Variants in SGCZ observed in about 807,000 individuals in gnomAD.
The protein encoded by SGCZ is zeta-sarcoglycan.
Under a neutral mutation model 41.3 loss-of-function variants are expected in SGCZ, and 40 were observed. The observed-to-expected ratio is 0.97, with a 90% confidence interval of 0.75 to 1.26. The LOEUF (loss-of-function observed/expected upper bound fraction) is 1.26, where lower values mean the gene tolerates loss of function less well. Ranked by LOEUF, SGCZ falls within the 50% of genes most tolerant of loss-of-function variation. SGCZ has a pLI of 0.00. For synonymous variants in SGCZ, 206 were observed against 137.5 expected (o/e 1.50, Z -3.49); for missense variants, 552 against 369.8 (o/e 1.49, Z -4.04).
intron 3 of SGCZ, among the ~76,000 whole-genome samples, chr8:14,300,017 T>G (rs573404413): frequency 6.6e-6 from 1 of 151,660 alleles, no homozygotes; most frequent in African/African-American, 2.4e-5. Flanking sequence ...AGGCCAAGAG[T>G]AGGCAAAATT....
chr8:14,722,090 G>T (rs1809905658), intron 1 of SGCZ, among the ~76,000 whole-genome samples: 1 of 152,106 alleles, frequency 6.6e-6, no homozygotes, highest in Non-Finnish European at 1.5e-5. Context: ...AACTCTGTTT[G>T]TCTTGCTTTC....
chr8:14,200,105 C>G (rs1049303839), intron 4 of SGCZ, among the ~76,000 whole-genome samples: 8 of 151,972 alleles, frequency 5.3e-5, no homozygotes, highest in African/African-American at 1.9e-4. Flanking sequence ...GGAATATATC[C>G]CCTGTGGATA....
At chr8:15,213,646 T>C (rs1439797070) in intron 1 of SGCZ, among the ~76,000 whole-genome samples, 6 of 151,742 alleles carry the variant, frequency 4.0e-5, no homozygotes, top group East Asian at 1.9e-4. Context: ...TTTAATGAAA[T>C]ATAGAAATCT....
intron 1 of SGCZ, among the ~76,000 whole-genome samples, chr8:15,048,895 A>C (rs1804411855): frequency 6.6e-6 from 1 of 151,200 alleles, no homozygotes; most frequent in Admixed American, 6.6e-5. Flanking sequence ...TCTTCCAAAC[A>C]AAAAGTTGCT....
At chr8:14,722,439 A>T (rs1340521534) in intron 1 of SGCZ, among the ~76,000 whole-genome samples, 1 of 152,120 alleles carries the variant, frequency 6.6e-6, no homozygotes, top group African/African-American at 2.4e-5. Context: ...GGATTTATTA[A>T]GGAATACTTT....
intron 1 of SGCZ, among the ~76,000 whole-genome samples, chr8:15,186,737 T>C (rs1800358550): frequency 6.6e-6 from 1 of 152,188 alleles, no homozygotes; most frequent in Non-Finnish European, 1.5e-5. Flanking sequence ...AACTAGCTGA[T>C]TTCAATCAGA....
chr8:14,593,266 A>G (rs973438391), intron 1 of SGCZ, among the ~76,000 whole-genome samples: 2 of 152,200 alleles, frequency 1.3e-5, no homozygotes, highest in African/African-American at 2.4e-5. Context: ...CAGATAGACA[A>G]TGATGAGAGA....
intron 1 of SGCZ, among the ~76,000 whole-genome samples, chr8:15,029,107 A>G (rs1287827215): frequency 6.6e-6 from 1 of 152,114 alleles, no homozygotes; most frequent in Non-Finnish European, 1.5e-5. Context: ...CATGGAACGA[A>G]TCTTGATTTG....
At chr8:14,608,207 A>T (rs1432351193) in intron 1 of SGCZ, among the ~76,000 whole-genome samples, 1 of 151,698 alleles carries the variant, frequency 6.6e-6, no homozygotes, top group East Asian at 1.9e-4. Flanking sequence ...TGAAAATAAC[A>T]TGTGAATACA....
At chr8:14,652,584 T>C (rs1169390204) in intron 1 of SGCZ, among the ~76,000 whole-genome samples, 3 of 152,026 alleles carry the variant, frequency 2.0e-5, no homozygotes, top group African/African-American at 7.2e-5. Context: ...AGTAAGCATA[T>C]GAAGGCTCTG....
At chr8:14,682,868 T>C (rs551926612) in intron 1 of SGCZ, among the ~76,000 whole-genome samples, 5 of 152,328 alleles carry the variant, frequency 3.3e-5, no homozygotes, top group Admixed American at 6.5e-5. Context: ...TAAATTGGGC[T>C]AGATTCAGTA....
intron 1 of SGCZ, among the ~76,000 whole-genome samples, chr8:15,111,842 G>C (rs948155004): frequency 6.6e-6 from 1 of 151,252 alleles, no homozygotes; most frequent in African/African-American, 2.4e-5. Flanking sequence ...AGAGGTAGCA[G>C]TGAGCCGAGA....
chr8:15,236,893 C>G (rs977985063), intron 1 of SGCZ, among the ~76,000 whole-genome samples: 1 of 152,126 alleles, frequency 6.6e-6, no homozygotes. Context: ...CCCTACCAGC[C>G]CGGCTCCCGC....
At chr8:14,437,049 A>G (rs1049052672) in intron 2 of SGCZ, among the ~76,000 whole-genome samples, 4 of 152,324 alleles carry the variant, frequency 2.6e-5, no homozygotes, top group East Asian at 1.9e-4. Flanking sequence ...GAATTAAAAT[A>G]CTTTTCAAAT....
At chr8:14,266,390 CAAGAT>C (rs1265510303) in intron 3 of SGCZ, among the ~76,000 whole-genome samples, 1 of 151,868 alleles carries the variant, frequency 6.6e-6, no homozygotes, top group Non-Finnish European at 1.5e-5. Context: ...ACAGAAGCAC[CAAGAT>C]AACTCACCTA....
At chr8:14,477,253 GA>G (rs1408895144) in intron 2 of SGCZ, among the ~76,000 whole-genome samples, 1 of 152,052 alleles carries the variant, frequency 6.6e-6, no homozygotes, top group Non-Finnish European at 1.5e-5. Context: ...TTAATAAGGA[GA>G]AGGCTGTTGG....
chr8:14,144,575 T>C (rs539854418), intron 5 of SGCZ, among the ~76,000 whole-genome samples: 10 of 152,294 alleles, frequency 6.6e-5, no homozygotes, highest in African/African-American at 1.9e-4. Flanking sequence ...ATGGCAAAAC[T>C]CTTTCTACTG....
chr8:14,117,354 G>A (rs1802552761), intron 5 of SGCZ, among the ~76,000 whole-genome samples: 1 of 6,494 alleles, frequency 1.5e-4, no homozygotes, highest in African/African-American at 1.7e-4. Flanking sequence ...TCAATAGGTA[G>A]TGTTTTTTTT....
At chr8:14,245,036 C>T (rs1338158573) in intron 3 of SGCZ, among the ~76,000 whole-genome samples, 1 of 152,180 alleles carries the variant, frequency 6.6e-6, no homozygotes, top group Non-Finnish European at 1.5e-5. Flanking sequence ...ATGTCATCTG[C>T]AAACTGGGAC....
Sources: gnomAD v4.1 joint callset for allele counts (sites outside exome capture counted in the v4.1 genomes callset) on GRCh38, gnomAD v4.1.1 for gene constraint, MANE v1.5 for transcripts, NCBI Gene and HGNC (gene_info 2026-07-23, HGNC 2026-07-21) for gene names.